Variants in PEBP4 observed in about 807,000 individuals in gnomAD.
PEBP4 encodes phosphatidylethanolamine-binding protein 4.
Under a neutral mutation model 23.9 loss-of-function variants are expected in PEBP4, and 22 were observed. The observed-to-expected ratio is 0.92, with a 90% confidence interval of 0.66 to 1.31. The LOEUF (loss-of-function observed/expected upper bound fraction) is 1.31, where lower values mean the gene tolerates loss of function less well. Ranked by LOEUF, PEBP4 falls within the 40% of genes most tolerant of loss-of-function variation. PEBP4 has a pLI of 0.00. For missense variants in PEBP4, 324 were observed against 281.7 expected, an observed-to-expected ratio of 1.15 and a Z score of -1.07; for synonymous variants, 112 against 99.3, an observed-to-expected ratio of 1.13 and a Z score of -0.76.
chr8:22,891,521 G>A (rs1382214837), intron 3 of PEBP4, among the ~76,000 whole-genome samples: 3 of 152,230 alleles, frequency 2.0e-5, no homozygotes, highest in African/African-American at 4.8e-5. Flanking sequence ...TGGGTGTGGG[G>A]ATGACAATAC....
At chr8:22,853,281 G>C in intron 3 of PEBP4, among the ~76,000 whole-genome samples, 1 of 152,232 alleles carries the variant, frequency 6.6e-6, no homozygotes, top group East Asian at 1.9e-4. Flanking sequence ...CCTCCTGTGG[G>C]GACCAGTGAA....
intron 6 of PEBP4, among the ~76,000 whole-genome samples, chr8:22,721,094 G>T: frequency 6.6e-6 from 1 of 152,154 alleles, no homozygotes; most frequent in East Asian, 1.9e-4. Flanking sequence ...TGTGCTCCTG[G>T]CCTCGTGGGG....
chr8:22,843,804 A>G (rs1807373057), intron 3 of PEBP4, among the ~76,000 whole-genome samples: 1 of 152,158 alleles, frequency 6.6e-6, no homozygotes, highest in Non-Finnish European at 1.5e-5. Flanking sequence ...TGGATTCTGG[A>G]TCAAGGGTGA....
rs796516602 is a variant in PEBP4, at chr8:22,848,235, G to A, written c.259-30500C>T. On this transcript the variant is annotated intron_variant, in intron 3 of 6. Coordinates refer to ENST00000256404, the MANE Select transcript of PEBP4 (RefSeq NM_144962.3). ...ATGATTAAAGATGAATTCCATTTGTGTCAGTCACCAGCCAGAGAGAGACGA... is the reference window on the plus strand; with the variant it reads ...ATGATTAAAGATGAATTCCATTTGTATCAGTCACCAGCCAGAGAGAGACGA... 2.0e-5 allele frequency among the ~76,000 whole-genome samples: 3 copies of A among 152,308 alleles called. No homozygotes were observed. The South Asian group carries it at 6.2e-4, about 32-fold the overall frequency.
In PEBP4 at chr8:22,737,294, C is replaced by CAA. The variant is rs11302571; in HGVS notation, c.358-10076_358-10075dup. 1.1e-3 allele frequency among the ~76,000 whole-genome samples: 73 copies of CAA among 65,200 alleles called. 1 individual carries two copies. The highest frequency in any genetic ancestry group is 2.5e-3 in the African/African-American group (45 of 18,174). The allele number at this position is 65,200 out of a possible 152,430, so 42.8% of individuals were successfully genotyped here. A position where few individuals can be genotyped will look rare whatever the true frequency, so the allele number is the denominator to read the frequency against. ...GGGCAATAGAGTTGAGACTCCGTCT[C>CAA]AAAAAAAAAAAAAAAAAAAAAGCAA... On this transcript the variant is annotated intron_variant, in intron 4 of 6. Coordinates refer to ENST00000256404, the MANE Select transcript of PEBP4 (RefSeq NM_144962.3).
intron 4 of PEBP4, among the ~76,000 whole-genome samples, chr8:22,792,885 G>A (rs771951212): frequency 3.6e-4 from 55 of 152,132 alleles, no homozygotes; most frequent in Non-Finnish European, 6.9e-4. Context: ...AAATGCTCCC[G>A]AAAGAAACCA....
Position 22,817,631 on chromosome 8 carries a change from G to A in PEBP4, c.357+6C>T. 6.2e-7 allele frequency: 1 copy of A among 1,612,878 alleles called. No homozygotes were observed. Among genetic ancestry groups the A allele is most frequent in the Non-Finnish European group, 8.5e-7 (1 of 1,178,936 alleles). On this transcript the variant is annotated splice_donor_region_variant and intron_variant, in intron 4 of 6. Coordinates refer to ENST00000256404, the MANE Select transcript of PEBP4 (RefSeq NM_144962.3). ...TGCGTCAGAGAGTGCCTCTTGGCCT[G>A]CTTACCTTGATATCTGTTACCAGCC...
chr8:22,771,254 C>T (rs1308097463), intron 4 of PEBP4, among the ~76,000 whole-genome samples: 5 of 152,294 alleles, frequency 3.3e-5, no homozygotes, highest in African/African-American at 7.2e-5. Context: ...TTTGGGAGGC[C>T]GAGGTGGGTG....
At chr8:22,724,561 G>C (rs1462434124) in intron 6 of PEBP4, among the ~76,000 whole-genome samples, 1 of 152,184 alleles carries the variant, frequency 6.6e-6, no homozygotes, top group Non-Finnish European at 1.5e-5. Context: ...TCTTCTCCCT[G>C]GCTGCAGTCA....
At chr8:22,854,929 TG>T in intron 3 of PEBP4, among the ~76,000 whole-genome samples, 1 of 93,356 alleles carries the variant, frequency 1.1e-5, no homozygotes, top group Non-Finnish European at 2.2e-5. Flanking sequence ...GATTAGAATG[TG>T]TGTGTGTGTG....
chr8:22,787,344 G>A (rs908947997), intron 4 of PEBP4, among the ~76,000 whole-genome samples: 11 of 152,186 alleles, frequency 7.2e-5, no homozygotes, highest in African/African-American at 2.7e-4. Context: ...GTTTGTTCTG[G>A]AGAAGAGGTC....
upstream of PEBP4, among the ~76,000 whole-genome samples, chr8:22,928,892 G>T (rs1809408440): frequency 6.6e-6 from 1 of 152,224 alleles, no homozygotes. Flanking sequence ...ACTACTTTCA[G>T]CATAGTCTGC....
chr8:22,873,915 C>G (rs1452750865), intron 3 of PEBP4, among the ~76,000 whole-genome samples: 1 of 152,062 alleles, frequency 6.6e-6, no homozygotes, highest in Non-Finnish European at 1.5e-5. Flanking sequence ...GGATTGGAGC[C>G]CCTCCCTGTT....
chr8:22,927,965 C>G (rs1414652793), upstream of PEBP4: 2 of 463,240 alleles, frequency 4.3e-6, no homozygotes, highest in South Asian at 5.1e-5. Context: ...AGGCCCCTCC[C>G]CTGGCAGGAC....
intron 4 of PEBP4, among the ~76,000 whole-genome samples, chr8:22,795,484 T>C (rs907845336): frequency 5.3e-5 from 8 of 152,200 alleles, no homozygotes; most frequent in Non-Finnish European, 1.0e-4. Flanking sequence ...CTAATTATTA[T>C]ATTTTTATAA....
intron 3 of PEBP4, among the ~76,000 whole-genome samples, chr8:22,913,045 T>C (rs1249143541): frequency 6.6e-6 from 1 of 152,242 alleles, no homozygotes; most frequent in Non-Finnish European, 1.5e-5. Context: ...CCAACTCTTC[T>C]TTTGTGTCTT....
upstream of PEBP4, among the ~76,000 whole-genome samples, chr8:22,928,182 G>A (rs1809393580): frequency 6.6e-6 from 1 of 152,212 alleles, no homozygotes; most frequent in African/African-American, 2.4e-5. Context: ...CTAGGAGTTG[G>A]GCTGTGCCCC....
chr8:22,751,495 C>T (rs1805258052), intron 4 of PEBP4, among the ~76,000 whole-genome samples: 1 of 152,058 alleles, frequency 6.6e-6, no homozygotes, highest in Non-Finnish European at 1.5e-5. Context: ...GTGGATTTTC[C>T]CTTTCTCCTA....
chr8:22,737,011 A>G (rs1187592735), intron 4 of PEBP4, among the ~76,000 whole-genome samples: 3 of 152,224 alleles, frequency 2.0e-5, no homozygotes, highest in Non-Finnish European at 4.4e-5. Context: ...AAGCAAATAA[A>G]GGCCGGGCAT....
Sources: gnomAD v4.1 joint callset for allele counts (sites outside exome capture counted in the v4.1 genomes callset) on GRCh38, gnomAD v4.1.1 for gene constraint, MANE v1.5 for transcripts, NCBI Gene and HGNC (gene_info 2026-07-23, HGNC 2026-07-21) for gene names.